The following RAD51B variants were observed in gnomAD, a reference collection of about 807,000 sequenced individuals.
The protein encoded by RAD51B is RAD51 paralog B.
Under a neutral mutation model 42.2 loss-of-function variants are expected in RAD51B, and 38 were observed. That is an observed-to-expected ratio of 0.90 (90% CI 0.70 to 1.18). The LOEUF (loss-of-function observed/expected upper bound fraction) is 1.18. RAD51B is among the 50% of genes most tolerant of loss of function. RAD51B has a pLI of 0.00. For missense variants in RAD51B, 373 were observed against 400.7 expected, an observed-to-expected ratio of 0.93 and a Z score of 0.59; for synonymous variants, 154 against 145.2, an observed-to-expected ratio of 1.06 and a Z score of -0.43.
intron 4 of RAD51B, among the ~76,000 whole-genome samples, chr14:67,855,442 TTAG>T (rs1468001754): frequency 2.0e-5 from 3 of 146,556 alleles, no homozygotes; most frequent in Non-Finnish European, 3.0e-5. Flanking sequence ...TTTCACTGTG[TTAG>T]TAGCCAGGAT....
chr14:68,254,286 T>G (rs1443224421), intron 7 of RAD51B, among the ~76,000 whole-genome samples: 1 of 152,222 alleles, frequency 6.6e-6, no homozygotes, highest in African/African-American at 2.4e-5. Flanking sequence ...CGTTTCATTC[T>G]TTACATAAGA....
chr14:68,220,804 T>C (rs1303089188), intron 7 of RAD51B, among the ~76,000 whole-genome samples: 3 of 152,174 alleles, frequency 2.0e-5, no homozygotes, highest in African/African-American at 7.2e-5. Flanking sequence ...AGCTCTGCTA[T>C]ACACCAACAG....
At chr14:68,509,040 G>C (rs1380519107) in intron 10 of RAD51B, among the ~76,000 whole-genome samples, 1 of 152,236 alleles carries the variant, frequency 6.6e-6, no homozygotes, top group Non-Finnish European at 1.5e-5. Context: ...CTGTCTTAGA[G>C]GCACACTGGG....
intron 7 of RAD51B, among the ~76,000 whole-genome samples, chr14:68,035,631 C>T (rs2076109549): frequency 6.6e-6 from 1 of 152,164 alleles, no homozygotes; most frequent in South Asian, 2.1e-4. Flanking sequence ...TATCCAGAAG[C>T]TAAGGTTCAA....
chr14:68,130,651 C>T (rs2077869482), intron 7 of RAD51B, among the ~76,000 whole-genome samples: 1 of 152,116 alleles, frequency 6.6e-6, no homozygotes. Context: ...GAAATTGATT[C>T]TTTTACTGAA....
At chr14:68,183,669 T>A (rs1001718983) in intron 7 of RAD51B, among the ~76,000 whole-genome samples, 2 of 152,144 alleles carry the variant, frequency 1.3e-5, no homozygotes, top group African/African-American at 4.8e-5. Flanking sequence ...AGAGTTGGGC[T>A]AGGCACGATG....
rs1445287198 is a variant in RAD51B, at chr14:68,294,039, A to G, written c.853+2059A>G. 2.6e-5 allele frequency among the ~76,000 whole-genome samples: 4 copies of G among 152,234 alleles called. No individual in the cohort carries two copies. The East Asian group carries it at 5.8e-4, about 22-fold the overall frequency. ...CACACACATACACACATATACACAC[A>G]CACTTAATTCAGCTCTGAGGAGACC... On this transcript the variant is annotated intron_variant, in intron 8 of 10. Coordinates refer to ENST00000471583, the MANE Select transcript of RAD51B (RefSeq NM_133510.4).
chr14:68,133,873 G>A (rs1441513172), intron 7 of RAD51B, among the ~76,000 whole-genome samples: 2 of 152,016 alleles, frequency 1.3e-5, no homozygotes, highest in Non-Finnish European at 2.9e-5. Flanking sequence ...TGTACAGCGA[G>A]GTCATATATA....
At chr14:68,437,441 T>A (rs1188754111) in intron 9 of RAD51B, among the ~76,000 whole-genome samples, 2 of 152,230 alleles carry the variant, frequency 1.3e-5, no homozygotes, top group Non-Finnish European at 2.9e-5. Context: ...TACACATATG[T>A]CCATCAGGGC....
intron 7 of RAD51B, among the ~76,000 whole-genome samples, chr14:68,087,406 G>A (rs979338054): frequency 6.6e-6 from 1 of 152,002 alleles, no homozygotes; most frequent in Admixed American, 6.6e-5. Context: ...ACCTTAATTA[G>A]CAAAGATATC....
intron 10 of RAD51B, among the ~76,000 whole-genome samples, chr14:68,522,789 G>A (rs1340250199): frequency 1.3e-5 from 2 of 152,182 alleles, no homozygotes; most frequent in Non-Finnish European, 2.9e-5. Context: ...GGAACTGTGG[G>A]AGAGGGTCAG....
chr14:68,655,214 T>C (rs1465444063), intron 11 of RAD51B, among the ~76,000 whole-genome samples: 2 of 152,126 alleles, frequency 1.3e-5, no homozygotes, highest in Non-Finnish European at 2.9e-5. Flanking sequence ...GTGATCTCTC[T>C]CTCTCTCAAT....
intron 7 of RAD51B, among the ~76,000 whole-genome samples, chr14:68,028,431 T>A (rs947450960): frequency 2.6e-5 from 4 of 152,160 alleles, no homozygotes; most frequent in Non-Finnish European, 4.4e-5. Flanking sequence ...GCCCTGCTTT[T>A]ATGCCAACCC....
chr14:68,621,141 A>C (rs970202958), intron 10 of RAD51B, among the ~76,000 whole-genome samples: 2 of 152,158 alleles, frequency 1.3e-5, no homozygotes, highest in African/African-American at 4.8e-5. Context: ...AATCCTGGGA[A>C]TACCACGCTT....
chr14:67,876,098 A>G (rs188734292), intron 5 of RAD51B, among the ~76,000 whole-genome samples: 1 of 152,334 alleles, frequency 6.6e-6, no homozygotes, highest in Admixed American at 6.5e-5. Flanking sequence ...AGAATTAGTC[A>G]TAAGTACTTA....
At chr14:68,062,636 AAAC>A (rs2076585408) in intron 7 of RAD51B, among the ~76,000 whole-genome samples, 1 of 151,952 alleles carries the variant, frequency 6.6e-6, no homozygotes, top group African/African-American at 2.4e-5. Context: ...TCTACTAAAA[AAAC>A]AACAACAAAA....
intron 8 of RAD51B, among the ~76,000 whole-genome samples, chr14:68,406,468 G>A (rs4902576): frequency 0.19 from 28,853 of 152,074 alleles, 2,960 homozygotes; most frequent in East Asian, 0.4. Flanking sequence ...CAATAAAAAT[G>A]GTAAAAGGAT....
intron 10 of RAD51B, among the ~76,000 whole-genome samples, chr14:68,588,143 A>G (rs887926630): frequency 6.6e-6 from 1 of 152,178 alleles, no homozygotes; most frequent in Non-Finnish European, 1.5e-5. Flanking sequence ...GTGGATTCCT[A>G]ATGCCAGCTT....
At chr14:67,999,586 T>C (rs2075443856) in intron 7 of RAD51B, among the ~76,000 whole-genome samples, 2 of 152,246 alleles carry the variant, frequency 1.3e-5, no homozygotes, top group Non-Finnish European at 2.9e-5. Flanking sequence ...GACTTACTAT[T>C]GTATTATGCA....
Sources: allele counts gnomAD v4.1 joint callset (sites outside exome capture counted in the v4.1 genomes callset), GRCh38; gene constraint gnomAD v4.1.1; transcripts MANE v1.5; gene names NCBI Gene and HGNC (gene_info 2026-07-23, HGNC 2026-07-21).